The following STXBP5 variants were observed in gnomAD, a reference collection of about 807,000 sequenced individuals.
The protein encoded by STXBP5 is syntaxin binding protein 5.
In STXBP5, 50 loss-of-function variants were observed where a neutral mutation model predicts 152.4. The ratio of observed to expected loss-of-function variants is 0.33; its 90% CI spans 0.26 to 0.42. The LOEUF is 0.42. Among genes scored for constraint, STXBP5 ranks in the 10% least tolerant of loss-of-function variants. The pLI is 1.00. For synonymous variants in STXBP5, 492 were observed against 494.7 expected, an observed-to-expected ratio of 0.99 and a Z score of 0.07; for missense variants, 1,167 against 1,388.6, an observed-to-expected ratio of 0.84 and a Z score of 2.54.
At chr6:147,277,465 G>A (rs1419320527) in intron 7 of STXBP5, among the ~76,000 whole-genome samples, 1 of 152,080 alleles carries the variant, frequency 6.6e-6, no homozygotes, top group East Asian at 1.9e-4. Flanking sequence ...AAAAAATGAG[G>A]GGTATCATAC....
At chr6:147,331,805 T>A (rs9497748) in intron 18 of STXBP5, among the ~76,000 whole-genome samples, 3,408 of 115,486 alleles carry the variant, frequency 0.03, 154 homozygotes, top group African/African-American at 0.097. Flanking sequence ...TTCTACCAGT[T>A]AAAAAAAAAA....
Position 147,387,532 on chromosome 6 carries a change from A to G in STXBP5, c.*2777A>G, listed in dbSNP as rs1394137663. ...AAAATCCATATGTATTTGCTGAGAA[A>G]GTTATTTGAAATCTTATATTCTGAC... On this transcript the variant is annotated 3_prime_UTR_variant, in exon 28 of 28. Coordinates refer to ENST00000321680, the MANE Select transcript of STXBP5 (RefSeq NM_001127715.4). The G allele has an allele frequency of 6.6e-6, 1 of 151,810 alleles. No homozygotes were observed. The highest frequency in any genetic ancestry group is 1.5e-5 in the Non-Finnish European group (1 of 67,774). The allele number at this position is 151,810 out of a possible 1,614,324, so 9.4% of individuals were successfully genotyped here. A position where few individuals can be genotyped will look rare whatever the true frequency, so the allele number is the denominator to read the frequency against.
intron 4 of STXBP5, among the ~76,000 whole-genome samples, chr6:147,250,809 A>T (rs1277941218): frequency 6.6e-6 from 1 of 152,008 alleles, no homozygotes; most frequent in Non-Finnish European, 1.5e-5. Context: ...TCTTCTCCCT[A>T]CTTTATTTTT....
chr6:147,222,142 T>G (rs1295674244), intron 2 of STXBP5, among the ~76,000 whole-genome samples: 1 of 152,186 alleles, frequency 6.6e-6, no homozygotes, highest in Non-Finnish European at 1.5e-5. Flanking sequence ...CTGCTTATAT[T>G]GCCCATCTGT....
chr6:147,356,912 A>G (rs751429351), intron 22 of STXBP5, among the ~76,000 whole-genome samples: 30 of 152,186 alleles, frequency 2.0e-4, no homozygotes, highest in Non-Finnish European at 2.4e-4. Context: ...AGTAGAAGCT[A>G]CTGAGAATTT....
Position 147,278,096 on chromosome 6 carries a change from G to T in STXBP5, c.730G>T (p.Ala244Ser). 6.2e-7 allele frequency: 1 copy of T among 1,612,328 alleles called. No homozygotes were observed. The highest frequency in any genetic ancestry group is 8.5e-7 in the Non-Finnish European group (1 of 1,178,880). Residue 244 changes from alanine to serine, a missense_variant, in exon 8 of 28, where the codon GCT becomes TCT. By Grantham distance (99) the Ala-to-Ser change is moderately conservative. Around this residue, in one of 3 missense-constraint regions of STXBP5, gnomAD observed 310 missense variants for 346.1 expected, o/e 0.90. Transcript: ENST00000321680. Reference protein sequence around the residue: ...YTYDEAIHSVAWHHEGKQFIC... With the variant: ...YTYDEAIHSVSWHHEGKQFIC... ...CCTTCTATAGGCTATCCACTCTGTTGCTTGGCATCATGAAGGAAAACAATT... is the reference window on the plus strand; with the variant it reads ...CCTTCTATAGGCTATCCACTCTGTTTCTTGGCATCATGAAGGAAAACAATT...
intron 4 of STXBP5, among the ~76,000 whole-genome samples, chr6:147,242,883 T>C (rs1778618763): frequency 6.6e-6 from 1 of 152,178 alleles, no homozygotes; most frequent in Admixed American, 6.5e-5. Flanking sequence ...TTTTTAGACT[T>C]CTTTCACTGA....
At chr6:147,317,631 T>C (rs80348515) in intron 16 of STXBP5, among the ~76,000 whole-genome samples, 4,874 of 152,234 alleles carry the variant, frequency 0.032, 131 homozygotes, top group Non-Finnish European at 0.046. Context: ...CCAAACAGTA[T>C]ATACCCATTG....
intron 9 of STXBP5, 101 bp downstream of exon 9, chr6:147,291,273 C>G: frequency 2.8e-6 from 2 of 711,942 alleles, no homozygotes; most frequent in Non-Finnish European, 4.2e-6. Context: ...TTAGAATAGT[C>G]TACACCATTC....
chr6:147,243,555 G>A (rs561965858), intron 4 of STXBP5, among the ~76,000 whole-genome samples: 1 of 152,052 alleles, frequency 6.6e-6, no homozygotes, highest in Non-Finnish European at 1.5e-5. Context: ...CAGTGTCTTT[G>A]TAGAGCAGAT....
intron 27 of STXBP5, among the ~76,000 whole-genome samples, chr6:147,383,985 C>A (rs559076492): frequency 2.0e-5 from 3 of 152,104 alleles, no homozygotes; most frequent in Non-Finnish European, 4.4e-5. Flanking sequence ...CATAACCCTA[C>A]ACCCGATTGT....
At chr6:147,259,199 A>G (rs1468698245) in intron 4 of STXBP5, among the ~76,000 whole-genome samples, 2 of 152,122 alleles carry the variant, frequency 1.3e-5, no homozygotes, top group African/African-American at 4.8e-5. Context: ...GTTTCTTGTT[A>G]ATGTATTAAA....
At chr6:147,336,559 A>T (rs1783834408) in intron 19 of STXBP5, among the ~76,000 whole-genome samples, 1 of 152,120 alleles carries the variant, frequency 6.6e-6, no homozygotes, top group Admixed American at 6.5e-5. Context: ...CCACAAGGGG[A>T]TCATGTTTTA....
chr6:147,239,106 A>C, intron 3 of STXBP5, 64 bp from the exon 4 acceptor site: 1 of 1,412,086 alleles, frequency 7.1e-7, no homozygotes, highest in East Asian at 2.4e-5. Context: ...TCTGGCAGCT[A>C]TTGAGTAGAC....
intron 16 of STXBP5, among the ~76,000 whole-genome samples, chr6:147,324,280 T>G (rs1020170222): frequency 2.3e-5 from 3 of 132,774 alleles, no homozygotes; most frequent in South Asian, 2.6e-4. Context: ...TTTTTTTTTT[T>G]TTTTTTTTTG....
At chr6:147,246,422 T>A (rs1409669028) in intron 4 of STXBP5, among the ~76,000 whole-genome samples, 2 of 152,176 alleles carry the variant, frequency 1.3e-5, no homozygotes, top group Non-Finnish European at 2.9e-5. Context: ...TTTAATATTT[T>A]TACCTCTTGA....
intron 4 of STXBP5, among the ~76,000 whole-genome samples, chr6:147,249,253 TA>T (rs112169490): frequency 1.2e-3 from 171 of 142,900 alleles, no homozygotes; most frequent in Admixed American, 2.0e-3. Flanking sequence ...ACAAAATCAG[TA>T]AAAAAAAAAA....
At chr6:147,266,348 G>A (rs1418839378) in intron 6 of STXBP5, among the ~76,000 whole-genome samples, 1 of 152,030 alleles carries the variant, frequency 6.6e-6, no homozygotes, top group Non-Finnish European at 1.5e-5. Context: ...ATAAGAAATG[G>A]GTTAAAATAG....
Position 147,314,596 on chromosome 6 carries a change from G to A in STXBP5, c.1362G>A (p.Gly454=). The stretch of plus-strand genomic sequence containing the variant: ...ACATTCTTAACATTGCTTTTCTTAG[G>A]CATGCTGATGGGTCAGTTAAGTTCT... The part of the protein sequence containing the change: ...AQSYPEIIIT[G]HADGSVKFWD... Residue 454 remains glycine (G), a splice_region_variant and synonymous_variant, in exon 14 of 28, where the codon GGG becomes GGA. Coordinates refer to ENST00000321680, the MANE Select transcript of STXBP5 (RefSeq NM_001127715.4). 5.0e-6 allele frequency: 8 copies of A among 1,608,360 alleles called. No homozygotes were observed. Among genetic ancestry groups the A allele is most frequent in the Non-Finnish European group, 6.8e-6 (8 of 1,177,926 alleles).
Sources: allele counts gnomAD v4.1 joint callset (sites outside exome capture counted in the v4.1 genomes callset), GRCh38; gene constraint gnomAD v4.1.1; regional missense constraint gnomAD v4.1.1; transcripts MANE v1.5; gene names NCBI Gene and HGNC (gene_info 2026-07-23, HGNC 2026-07-21).